Variants in PLD5 observed in about 807,000 individuals in gnomAD.
PLD5 encodes phospholipase D family member 5.
Under a neutral mutation model 61.1 loss-of-function variants are expected in PLD5, and 36 were observed. That is an observed-to-expected ratio of 0.59 (90% CI 0.45 to 0.78). The LOEUF (loss-of-function observed/expected upper bound fraction) is 0.78. Among genes scored for constraint, PLD5 ranks in the 30% least tolerant of loss-of-function variants. PLD5 has a pLI of 0.00. For missense variants in PLD5, 515 were observed against 644.4 expected (o/e 0.80, Z 2.17); for synonymous variants, 243 against 242.8 (o/e 1.00, Z -0.01).
At chr1:242,131,750 C>T (rs552228712) in intron 5 of PLD5, among the ~76,000 whole-genome samples, 1 of 151,922 alleles carries the variant, frequency 6.6e-6, no homozygotes, top group African/African-American at 2.4e-5. Flanking sequence ...CCTCCTCTTT[C>T]TGCCTAGGTG....
chr1:242,226,189 T>G (rs1670930249), intron 4 of PLD5, among the ~76,000 whole-genome samples: 1 of 152,222 alleles, frequency 6.6e-6, no homozygotes, highest in African/African-American at 2.4e-5. Context: ...TTTGCTTTTA[T>G]AGATTTCTTT....
chr1:242,269,873 G>GGAA (rs2149110295), intron 3 of PLD5, among the ~76,000 whole-genome samples: 2 of 152,166 alleles, frequency 1.3e-5, no homozygotes, highest in African/African-American at 4.8e-5. Context: ...CTGCACTGCC[G>GGAA]GTTCTCAATT....
chr1:242,414,030 G>C (rs1664693962), intron 1 of PLD5, among the ~76,000 whole-genome samples: 1 of 152,130 alleles, frequency 6.6e-6, no homozygotes, highest in Non-Finnish European at 1.5e-5. Context: ...ATCTGAGAGA[G>C]GCAAGGTTGC....
At chr1:242,217,317 T>C (rs1670278157) in intron 5 of PLD5, among the ~76,000 whole-genome samples, 1 of 152,188 alleles carries the variant, frequency 6.6e-6, no homozygotes, top group Non-Finnish European at 1.5e-5. Flanking sequence ...TTCACCATTC[T>C]AGGTACCATT....
intron 5 of PLD5, among the ~76,000 whole-genome samples, chr1:242,211,890 G>T (rs1371828362): frequency 6.6e-6 from 1 of 152,186 alleles, no homozygotes; most frequent in Non-Finnish European, 1.5e-5. Flanking sequence ...AAAGCTAGTG[G>T]AGCCTATGTT....
At position 242,086,487 on chromosome 1, in the gene PLD5, G is replaced by A. The variant is rs1659483461; in HGVS notation, c.*3367C>T. On this transcript the variant is annotated 3_prime_UTR_variant, in exon 10 of 10. Coordinates refer to ENST00000536534, the MANE Select transcript of PLD5 (RefSeq NM_001372062.1). ...CACTTCCTCTCCAATGGTTGGACAAGCAGAGATTCAATTATTTGATAGGCT... is the reference window on the plus strand; with the variant it reads ...CACTTCCTCTCCAATGGTTGGACAAACAGAGATTCAATTATTTGATAGGCT... 1 of 152,166 alleles carries A rather than the reference G, an allele frequency of 6.6e-6. No individual in the cohort carries two copies. Among genetic ancestry groups the A allele is most frequent in the Non-Finnish European group, 1.5e-5 (1 of 68,068 alleles). 9.4% of individuals were successfully genotyped at this position (152,166 alleles called of 1,614,324 possible).
Position 242,124,528 on chromosome 1 carries a change from A to G in PLD5, c.873T>C (p.Tyr291=). 1.9e-6 allele frequency: 3 copies of G among 1,614,126 alleles called. No homozygotes were observed. Among genetic ancestry groups the G allele is most frequent in the Non-Finnish European group, 2.5e-6 (3 of 1,179,992 alleles). Residue 291 remains tyrosine, a synonymous_variant, in exon 6 of 10, where the codon TAT becomes TAC. Coordinates refer to ENST00000536534, the MANE Select transcript of PLD5 (RefSeq NM_001372062.1). ...QTWSKRLYGV[Y]DNEKKLQLQL... is the part of the protein sequence containing the mutation. ...GAAGTTGCAATTTCTTTTCATTGTC[A>G]TAGACTCCATAGAGTCTTTTGGACC...
chr1:242,315,760 C>CA (rs1676970360), intron 2 of PLD5, among the ~76,000 whole-genome samples: 2 of 152,130 alleles, frequency 1.3e-5, no homozygotes, highest in South Asian at 4.1e-4. Flanking sequence ...CACCATGCCC[C>CA]ACTCCTTTAA....
chr1:242,359,105 G>A lies in PLD5; in HGVS notation c.190-10863C>T, dbSNP rs192603695. ...TGATATCTCTGATCACGGTACTGCT[G>A]GCAGGTACACTGAGCTTTCATCAAG... is the stretch of plus-strand genomic sequence containing the variant. On this transcript the variant is annotated intron_variant, in intron 1 of 9. Coordinates refer to ENST00000536534, the MANE Select transcript of PLD5 (RefSeq NM_001372062.1). 5.8e-4 allele frequency among the ~76,000 whole-genome samples: 88 copies of A among 152,054 alleles called. 1 individual carries two copies. In the East Asian group the frequency reaches 0.014, roughly 24 times the overall value.
intron 5 of PLD5, among the ~76,000 whole-genome samples, chr1:242,137,374 C>G (rs569377128): frequency 1.3e-5 from 2 of 152,334 alleles, no homozygotes; most frequent in African/African-American, 4.8e-5. Context: ...CCTACTTTCT[C>G]TAATAAATCT....
intron 5 of PLD5, among the ~76,000 whole-genome samples, chr1:242,186,372 G>A (rs1023216228): frequency 5.9e-5 from 9 of 152,040 alleles, no homozygotes; most frequent in Non-Finnish European, 1.3e-4. Flanking sequence ...TAGTAGAGAT[G>A]GGGTTTCACC....
At chr1:242,349,662 C>T (rs1660362309) in intron 1 of PLD5, among the ~76,000 whole-genome samples, 1 of 152,172 alleles carries the variant, frequency 6.6e-6, no homozygotes, top group Non-Finnish European at 1.5e-5. Context: ...CCATCTCTCT[C>T]TCTAGGGGCT....
chr1:242,262,127 C>T (rs1673406986), intron 4 of PLD5, among the ~76,000 whole-genome samples: 1 of 152,172 alleles, frequency 6.6e-6, no homozygotes, highest in East Asian at 1.9e-4. Context: ...AAATGGAATA[C>T]TATACAACAA....
intron 1 of PLD5, among the ~76,000 whole-genome samples, chr1:242,406,999 T>C (rs1193497874): frequency 2.0e-5 from 3 of 152,204 alleles, no homozygotes; most frequent in African/African-American, 7.2e-5. Context: ...AAGGAATATA[T>C]TGATATGGTT....
intron 2 of PLD5, among the ~76,000 whole-genome samples, chr1:242,312,883 ATTTT>A (rs1184527861): frequency 6.6e-6 from 1 of 152,162 alleles, no homozygotes; most frequent in Non-Finnish European, 1.5e-5. Flanking sequence ...GTTCTTATAA[ATTTT>A]TGACTGATTC....
At position 242,084,469 on chromosome 1, in the gene PLD5, G is replaced by A. The variant is rs1659367001; in HGVS notation, c.*5385C>T. 1 of 152,034 alleles carries A rather than the reference G, an allele frequency of 6.6e-6. No individual in the cohort carries two copies. The highest frequency in any genetic ancestry group is 6.6e-5 in the Admixed American group (1 of 15,266). 9.4% of individuals were successfully genotyped at this position (152,034 alleles called of 1,614,324 possible). On this transcript the variant is annotated 3_prime_UTR_variant, in exon 10 of 10. Coordinates refer to ENST00000536534, the MANE Select transcript of PLD5 (RefSeq NM_001372062.1). ...GGTCTTGAGAAAGGAACCATATAAA[G>A]CACTCCAAATTGTTTGGCTCAAGTA...
chr1:242,443,913 G>A (rs572311887), intron 1 of PLD5, among the ~76,000 whole-genome samples: 1 of 152,122 alleles, frequency 6.6e-6, no homozygotes, highest in Admixed American at 6.5e-5. Flanking sequence ...AGACTTAATA[G>A]GCCACCACAT....
chr1:242,095,205 A>G (rs182510569), intron 9 of PLD5, among the ~76,000 whole-genome samples: 338 of 151,650 alleles, frequency 2.2e-3, no homozygotes, highest in African/African-American at 7.7e-3. Flanking sequence ...AAAGCGCTGG[A>G]ATTATAGGCG....
At chr1:242,505,379 A>T (rs1001247596) in intron 1 of PLD5, among the ~76,000 whole-genome samples, 6 of 152,200 alleles carry the variant, frequency 3.9e-5, no homozygotes, top group African/African-American at 1.4e-4. Context: ...TTTTCTTATT[A>T]AATATTGACA....
Sources: allele counts gnomAD v4.1 joint callset (sites outside exome capture counted in the v4.1 genomes callset), GRCh38; gene constraint gnomAD v4.1.1; transcripts MANE v1.5; gene names NCBI Gene and HGNC (gene_info 2026-07-23, HGNC 2026-07-21).